MTG2: variants seen among roughly 807,000 people sequenced by gnomAD.
MTG2 encodes mitochondrial ribosome associated GTPase 2, also known as mitochondrial ribosome-associated GTPase 2.
In MTG2, 23 loss-of-function variants were observed where a neutral mutation model predicts 28.6. The observed-to-expected ratio is 0.80, with a 90% CI of 0.58 to 1.14. MTG2 has a LOEUF of 1.14. Ranked by LOEUF, MTG2 falls within the 50% of genes most tolerant of loss-of-function variation. MTG2 has a pLI of 0.00. For synonymous variants in MTG2, 260 were observed against 251.8 expected, an observed-to-expected ratio of 1.03 and a Z score of -0.31; for missense variants, 539 against 552.0, an observed-to-expected ratio of 0.98 and a Z score of 0.24.
chr20:62,199,177 C>T lies in MTG2; in HGVS notation c.746C>T (p.Pro249Leu), dbSNP rs765296640. The change falls in exon 6 of 7, where the codon CCC becomes CTC. Residue 249 changes from proline (P) to leucine (L), a missense_variant. Transcript: ENST00000370823. ...CTCCGGGCCATTTCAAACGCCAGAC[C>T]CGCCGTGGCTTCCTACCCGTTCACC... ...SLLRAISNAR[P>L]AVASYPFTTL... is the part of the protein sequence containing the mutation. 6.2e-7 allele frequency: 1 copy of T among 1,614,092 alleles called. No homozygotes were observed. Among genetic ancestry groups the T allele is most frequent in the African/African-American group, 1.3e-5 (1 of 74,942 alleles).
chr20:62,187,736 A>T (rs1330766959), intron 1 of MTG2, among the ~76,000 whole-genome samples: 1 of 152,198 alleles, frequency 6.6e-6, no homozygotes, highest in African/African-American at 2.4e-5. Context: ...TTTCCTGATC[A>T]GGCTAGAAGT....
At chr20:62,188,709 CTATGTAAATA>C (rs2057897721) in intron 1 of MTG2, 1 of 151,752 alleles carries the variant, frequency 6.6e-6, no homozygotes, top group African/African-American at 2.4e-5. Flanking sequence ...AATGTAAATG[CTATGTAAATA>C]GCTGTTATAC....
chr20:62,187,774 A>G (rs1760056), intron 1 of MTG2, among the ~76,000 whole-genome samples: 151,234 of 152,332 alleles, frequency 0.99, 75,073 homozygotes, highest in Middle Eastern at 1. Context: ...TTTTCAGTGA[A>G]CCTGTTTTTT....
rs781143736 is a variant in MTG2 at position 62,197,924 on chromosome 20, G to A, written c.425G>A (p.Ser142Asn). 4.5e-5 allele frequency: 73 copies of A among 1,614,224 alleles called. No homozygotes were observed. Among genetic ancestry groups the A allele is most frequent in the Non-Finnish European group, 6.0e-5 (71 of 1,180,040 alleles). ...GGTTTCAGTGGAGAAGATGGAGGGA[G>A]TAAAAACTGCTTCGGGCGCAGTGGC... is the stretch of plus-strand genomic sequence containing the variant. Reference protein sequence around the residue: ...YQGFSGEDGGSKNCFGRSGAV... With the variant: ...YQGFSGEDGGNKNCFGRSGAV... The change falls in exon 4 of 7, where the codon AGT becomes AAT. Residue 142 changes from serine (S) to asparagine (N), a missense_variant. Transcript: ENST00000370823.
chr20:62,189,346 A>G (rs780066414), intron 1 of MTG2, among the ~76,000 whole-genome samples: 27 of 151,770 alleles, frequency 1.8e-4, no homozygotes, highest in Non-Finnish European at 2.1e-4. Flanking sequence ...CTCTCATTCT[A>G]TTGCTCAGGC....
At chr20:62,188,128 C>CA (rs11474675) in intron 1 of MTG2, among the ~76,000 whole-genome samples, 13,375 of 121,676 alleles carry the variant, frequency 0.11, 763 homozygotes, top group Non-Finnish European at 0.14. Context: ...GAGACTGTCT[C>CA]AAAAAAAAAA....
At chr20:62,196,175 T>G (rs61400051) in intron 3 of MTG2, among the ~76,000 whole-genome samples, 207 of 138,570 alleles carry the variant, frequency 1.5e-3, no homozygotes, top group African/African-American at 5.0e-3. Context: ...TTGTTTTTTT[T>G]TTTTTGCCTC....
rs1267939362 is a variant in MTG2, at chr20:62,200,731, T to G, written c.875T>G (p.Leu292Arg). The G allele has an allele frequency of 6.2e-7, 1 of 1,613,184 alleles. No individual in the cohort carries two copies. Among genetic ancestry groups the G allele is most frequent in the East Asian group, 2.2e-5 (1 of 44,892 alleles). ...CGAGGCGCCCACCAGAACAGGGGTC[T>G]GGGGTCCGCCTTCCTCAGGCACATC... is the stretch of plus-strand genomic sequence containing the variant. ...IIRGAHQNRG[L>R]GSAFLRHIER... The change falls in exon 7 of 7, where the codon CTG becomes CGG. Residue 292 changes from leucine to arginine, a missense_variant. Coordinates refer to ENST00000370823, the MANE Select transcript of MTG2 (RefSeq NM_015666.4).
chr20:62,189,769 A>G (rs1568782882), intron 1 of MTG2, among the ~76,000 whole-genome samples: 1 of 150,298 alleles, frequency 6.7e-6, no homozygotes, highest in Non-Finnish European at 1.5e-5. Context: ...CGTTCAAGCA[A>G]TTCTCCTGCC....
chr20:62,190,750 G>A (rs527727979), intron 1 of MTG2, among the ~76,000 whole-genome samples: 2 of 152,232 alleles, frequency 1.3e-5, no homozygotes, highest in African/African-American at 2.4e-5. Flanking sequence ...CGGTGCAGCG[G>A]CGGCGGCCGC....
At chr20:62,192,730 A>G (rs912016509) in intron 1 of MTG2, among the ~76,000 whole-genome samples, 1 of 152,146 alleles carries the variant, frequency 6.6e-6, no homozygotes, top group African/African-American at 2.4e-5. Context: ...GCTCTGTGTC[A>G]GGCACCCCTA....
At chr20:62,199,822 G>T (rs11204464) in intron 6 of MTG2, 34,496 of 149,918 alleles carry the variant, frequency 0.23, 4,155 homozygotes, top group South Asian at 0.39. Context: ...AGCCTCCCAA[G>T]TAGCTGGGAT....
At chr20:62,186,205 T>G (rs1178269210) in intron 1 of MTG2, among the ~76,000 whole-genome samples, 1 of 152,186 alleles carries the variant, frequency 6.6e-6, no homozygotes, top group African/African-American at 2.4e-5. Context: ...GTTAAGTCTC[T>G]TCACCTGTCT....
chr20:62,185,801 G>C (rs1167728306), intron 1 of MTG2, among the ~76,000 whole-genome samples: 1 of 152,200 alleles, frequency 6.6e-6, no homozygotes, highest in Non-Finnish European at 1.5e-5. Flanking sequence ...GGCCAGTGGG[G>C]ACTGTGCTGG....
chr20:62,190,775 G>C (rs1018878987), intron 1 of MTG2, among the ~76,000 whole-genome samples: 10 of 152,314 alleles, frequency 6.6e-5, no homozygotes, highest in Admixed American at 5.9e-4. Flanking sequence ...GCACGGCTGC[G>C]GGGGCACTGG....
At chr20:62,190,348 C>A in intron 1 of MTG2, among the ~76,000 whole-genome samples, 1 of 152,324 alleles carries the variant, frequency 6.6e-6, no homozygotes, top group South Asian at 2.1e-4. Flanking sequence ...TGTCTACAGT[C>A]TTACATATTT....
At chr20:62,193,779 C>A in intron 2 of MTG2, 155 bp downstream of exon 2, 1 of 739,362 alleles carries the variant, frequency 1.4e-6, no homozygotes, top group Non-Finnish European at 2.2e-6. Context: ...CAGGGTGAAA[C>A]GCAGGCCTGC....
rs1178599914 is a variant in MTG2 at position 62,201,481 on chromosome 20, C to T, written c.*404C>T. 1 of 182,860 alleles carries T rather than the reference C, an allele frequency of 5.5e-6. No individual in the cohort carries two copies. The highest frequency in any genetic ancestry group is 1.5e-4 in the East Asian group (1 of 6,584). The allele number at this position is 182,860 out of a possible 1,614,324, so 11.3% of individuals were successfully genotyped here. The stretch of plus-strand genomic sequence containing the variant: ...CAGAAGTGCAGACCAGGGTTCTCAG[C>T]ACAGTGCCCGTCGTGCTTCCATGGC... On this transcript the variant is annotated 3_prime_UTR_variant, in exon 7 of 7. Transcript: ENST00000370823.
At chr20:62,193,333 C>A in intron 1 of MTG2, 83 bp from the exon 2 acceptor site, 1 of 1,312,446 alleles carries the variant, frequency 7.6e-7, no homozygotes, top group Non-Finnish European at 1.1e-6. Context: ...CAAAGACCTG[C>A]TGCATGAGGC....
Sources: allele counts gnomAD v4.1 joint callset (sites outside exome capture counted in the v4.1 genomes callset), GRCh38; gene constraint gnomAD v4.1.1; transcripts MANE v1.5; gene names NCBI Gene and HGNC (gene_info 2026-07-23, HGNC 2026-07-21).